The following TYR variants were observed in gnomAD, a reference collection of about 807,000 sequenced individuals.
TYR encodes the protein tyrosinase, also known as LB24-AB.
Under a neutral mutation model 51.5 loss-of-function variants are expected in TYR, and 58 were observed. The ratio of observed to expected loss-of-function variants is 1.13; its 90% CI spans 0.91 to 1.40. The LOEUF is 1.40. Ranked by LOEUF, TYR falls within the 40% of genes most tolerant of loss-of-function variation. The pLI, the probability that TYR is intolerant of heterozygous loss-of-function variation, is 0.00. For synonymous variants in TYR, 263 were observed against 235.2 expected (o/e 1.12, Z -1.08); for missense variants, 732 against 647.4 (o/e 1.13, Z -1.42).
intron 3 of TYR, among the ~76,000 whole-genome samples, chr11:89,282,160 T>C (rs1944727694): frequency 6.6e-6 from 1 of 151,930 alleles, no homozygotes; most frequent in African/African-American, 2.4e-5. Context: ...CTTGTCCTAC[T>C]TAGGTAAAGA....
chr11:89,278,409 A>G (rs1427147539), intron 3 of TYR, among the ~76,000 whole-genome samples: 1 of 151,724 alleles, frequency 6.6e-6, no homozygotes, highest in East Asian at 1.9e-4. Flanking sequence ...CCAGTTTATT[A>G]TAGATATTTA....
chr11:89,210,158 T>A (rs1430440220), intron 2 of TYR, among the ~76,000 whole-genome samples: 1 of 152,036 alleles, frequency 6.6e-6, no homozygotes, highest in Non-Finnish European at 1.5e-5. Context: ...AGGTGGGTAA[T>A]AACAAACATC....
chr11:89,251,899 T>C (rs1179277930), intron 3 of TYR, among the ~76,000 whole-genome samples: 1 of 151,848 alleles, frequency 6.6e-6, no homozygotes, highest in Non-Finnish European at 1.5e-5. Flanking sequence ...TAATTACCTC[T>C]AGTACTCAGT....
intron 3 of TYR, among the ~76,000 whole-genome samples, chr11:89,262,860 A>AC (rs1160151302): frequency 6.9e-6 from 1 of 143,992 alleles, no homozygotes; most frequent in African/African-American, 2.7e-5. Context: ...AAAAAAAAAA[A>AC]AAAAAAAAAA....
chr11:89,258,573 A>G (rs1419340180), intron 3 of TYR, among the ~76,000 whole-genome samples: 1 of 151,832 alleles, frequency 6.6e-6, no homozygotes, highest in Non-Finnish European at 1.5e-5. Context: ...GACACTTTTT[A>G]TAATGTGCAT....
At position 89,204,588 on chromosome 11, in the gene TYR, G is replaced by T. The variant is rs146181114; in HGVS notation, c.1036+13170G>T. ...TTTTTTTATATTTTTAGTAGAGACA[G>T]GATTTCACTATGTTGGTCTGGCTAG... is the stretch of plus-strand genomic sequence containing the variant. On this transcript the variant is annotated intron_variant, in intron 2 of 4. Coordinates refer to ENST00000263321, the MANE Select transcript of TYR (RefSeq NM_000372.5). 5.5e-3 allele frequency among the ~76,000 whole-genome samples: 834 copies of T among 151,984 alleles called. 3 individuals carry two copies. The highest frequency in any genetic ancestry group is 9.0e-3 in the Non-Finnish European group (614 of 67,966).
intron 3 of TYR, among the ~76,000 whole-genome samples, chr11:89,271,958 C>T (rs1367061818): frequency 1.3e-5 from 2 of 151,862 alleles, no homozygotes; most frequent in Admixed American, 1.3e-4. Flanking sequence ...TTTCCATCTT[C>T]AGGGTCTACT....
intron 3 of TYR, among the ~76,000 whole-genome samples, chr11:89,248,964 G>A (rs1163715996): frequency 6.6e-6 from 1 of 152,132 alleles, no homozygotes; most frequent in East Asian, 1.9e-4. Flanking sequence ...AGTAATCAAA[G>A]ATTACTCCAA....
intron 2 of TYR, among the ~76,000 whole-genome samples, chr11:89,221,214 A>G (rs1164358247): frequency 1.3e-5 from 2 of 152,196 alleles, no homozygotes; most frequent in Non-Finnish European, 1.5e-5. Context: ...ACAAGTTTAC[A>G]GGTGATGCTG....
intron 1 of TYR, among the ~76,000 whole-genome samples, chr11:89,182,151 C>T (rs1392990070): frequency 1.3e-5 from 2 of 152,156 alleles, no homozygotes; most frequent in Non-Finnish European, 1.5e-5. Context: ...CTGTCTGTAT[C>T]TGCCAGCCTG....
intron 2 of TYR, among the ~76,000 whole-genome samples, chr11:89,214,862 C>T (rs959748452): frequency 1.3e-5 from 2 of 152,096 alleles, no homozygotes; most frequent in Non-Finnish European, 2.9e-5. Flanking sequence ...ATCAAACATG[C>T]CTCATTTTGA....
At chr11:89,184,221 T>C (rs1943337707) in intron 1 of TYR, among the ~76,000 whole-genome samples, 1 of 151,436 alleles carries the variant, frequency 6.6e-6, no homozygotes, top group South Asian at 2.1e-4. Context: ...ACTTAGTCAC[T>C]TGGCAGTTGG....
chr11:89,218,119 TG>T (rs1943856395), intron 2 of TYR, among the ~76,000 whole-genome samples: 1 of 152,132 alleles, frequency 6.6e-6, no homozygotes, highest in Non-Finnish European at 1.5e-5. Context: ...AGGAGACTAT[TG>T]AGAGAGGCCT....
At chr11:89,253,440 C>T (rs1008684476) in intron 3 of TYR, among the ~76,000 whole-genome samples, 2 of 151,714 alleles carry the variant, frequency 1.3e-5, no homozygotes, top group African/African-American at 2.4e-5. Context: ...TTGAGTCTAC[C>T]CATCCACGAG....
intron 3 of TYR, among the ~76,000 whole-genome samples, chr11:89,262,860 A>C (rs1426513348): frequency 2.1e-5 from 3 of 144,082 alleles, no homozygotes; most frequent in African/African-American, 8.0e-5. Flanking sequence ...AAAAAAAAAA[A>C]AAAAAAAAAA....
At position 89,227,910 on chromosome 11, in the gene TYR, C is replaced by T. The variant is rs2135281899; in HGVS notation, c.1124C>T (p.Ser375Phe). 3 of 1,613,544 alleles carry T rather than the reference C, an allele frequency of 1.9e-6. No individual in the cohort carries two copies. The highest frequency in any genetic ancestry group is 2.2e-5 in the South Asian group (2 of 91,072). The change falls in exon 3 of 5, where the codon TCC becomes TTC. Residue 375 changes from serine (S) to phenylalanine (F), a missense_variant. Coordinates refer to ENST00000263321, the MANE Select transcript of TYR (RefSeq NM_000372.5). ...ALHIYMNGTM[S>F]QVQGSANDPI... ...CACATCTATATGAATGGAACAATGT[C>T]CCAGGTACAGGGATCTGCCAACGAT...
intron 1 of TYR, among the ~76,000 whole-genome samples, chr11:89,190,539 AG>A (rs1943429065): frequency 6.6e-6 from 1 of 152,204 alleles, no homozygotes; most frequent in African/African-American, 2.4e-5. Context: ...TATTATCAAA[AG>A]ACTCAAAAAG....
At chr11:89,274,138 G>C (rs1187047395) in intron 3 of TYR, among the ~76,000 whole-genome samples, 1 of 151,828 alleles carries the variant, frequency 6.6e-6, no homozygotes, top group African/African-American at 2.4e-5. Flanking sequence ...GCTTGCCCCA[G>C]TTTGCAGAAT....
intron 3 of TYR, among the ~76,000 whole-genome samples, chr11:89,273,008 A>C (rs1565419684): frequency 6.6e-6 from 1 of 151,924 alleles, no homozygotes; most frequent in Non-Finnish European, 1.5e-5. Context: ...CCAAACCACT[A>C]AAACTTTCTT....
Sources: allele counts gnomAD v4.1 joint callset (sites outside exome capture counted in the v4.1 genomes callset), GRCh38; gene constraint gnomAD v4.1.1; transcripts MANE v1.5; gene names NCBI Gene and HGNC (gene_info 2026-07-23, HGNC 2026-07-21).